EYS: variants seen among roughly 807,000 people sequenced by gnomAD.
EYS encodes protein eyes shut homolog.
A neutral mutation model predicts 282.1 loss-of-function variants in EYS; 250 were observed. The observed-to-expected ratio is 0.89, with a 90% CI of 0.80 to 0.98. The LOEUF (loss-of-function observed/expected upper bound fraction) is 0.98, where lower values mean the gene tolerates loss of function less well. Among genes scored for constraint, EYS ranks in the 50% least tolerant of loss-of-function variants. The probability of loss-of-function intolerance (pLI) is 0.00; values close to 1 mark genes in which losing one functional copy is unlikely to be tolerated. For synonymous variants in EYS, 1,355 were observed against 1,282.9 expected (o/e 1.06, Z -1.20); for missense variants, 4,016 against 3,709.0 (o/e 1.08, Z -2.15).
chr6:63,853,949 G>A (rs1381935726), intron 36 of EYS, among the ~76,000 whole-genome samples: 9 of 152,140 alleles, frequency 5.9e-5, no homozygotes, highest in Admixed American at 5.9e-4. Flanking sequence ...AACTGAAACT[G>A]AAACAACAGT....
intron 35 of EYS, among the ~76,000 whole-genome samples, chr6:63,977,368 A>G (rs993917312): frequency 7.4e-6 from 1 of 134,440 alleles, no homozygotes; most frequent in African/African-American, 2.8e-5. Context: ...TAATTTATCA[A>G]TAACTAATAT....
At chr6:64,001,710 A>C (rs1304165134) in intron 33 of EYS, among the ~76,000 whole-genome samples, 2 of 152,266 alleles carry the variant, frequency 1.3e-5, no homozygotes, top group African/African-American at 4.8e-5. Flanking sequence ...GAGTTATAGA[A>C]TAATAGTAAC....
intron 22 of EYS, among the ~76,000 whole-genome samples, chr6:64,628,005 G>A (rs1425591833): frequency 2.0e-5 from 3 of 152,196 alleles, no homozygotes; most frequent in Non-Finnish European, 2.9e-5. Flanking sequence ...GCGTGAACCA[G>A]GGAGGCGGAG....
chr6:64,077,405 C>G (rs537435186), intron 32 of EYS, among the ~76,000 whole-genome samples: 109 of 151,982 alleles, frequency 7.2e-4, no homozygotes, highest in Admixed American at 1.9e-3. Context: ...TGTTATGACT[C>G]TTTAGATTTC....
intron 35 of EYS, among the ~76,000 whole-genome samples, chr6:63,954,288 T>C (rs1166314359): frequency 6.6e-6 from 1 of 152,216 alleles, no homozygotes; most frequent in Non-Finnish European, 1.5e-5. Flanking sequence ...AGGCAGGCTA[T>C]GCTATAGTAT....
intron 29 of EYS, among the ~76,000 whole-genome samples, chr6:64,373,481 G>A (rs572478200): frequency 6.6e-4 from 100 of 152,290 alleles, no homozygotes; most frequent in African/African-American, 2.2e-3. Context: ...ACAGAGGATT[G>A]TGCCTGCATG....
chr6:65,258,102 T>C (rs1345796713), intron 12 of EYS, among the ~76,000 whole-genome samples: 1 of 152,048 alleles, frequency 6.6e-6, no homozygotes, highest in African/African-American at 2.4e-5. Flanking sequence ...AAACATTACG[T>C]GTACCCTGTA....
At chr6:64,274,414 T>C (rs6454760) in intron 30 of EYS, among the ~76,000 whole-genome samples, 107,385 of 150,144 alleles carry the variant, frequency 0.72, 38,597 homozygotes, top group African/African-American at 0.79. Context: ...CCAAGCAATC[T>C]GTCTGCTGTC....
chr6:64,157,365 G>T (rs555130132), intron 31 of EYS, among the ~76,000 whole-genome samples: 64 of 152,260 alleles, frequency 4.2e-4, no homozygotes, highest in African/African-American at 1.5e-3. Context: ...TTATTGGCCT[G>T]ACAGTGTGAT....
intron 12 of EYS, among the ~76,000 whole-genome samples, chr6:65,103,775 T>G (rs1360663252): frequency 6.6e-6 from 1 of 151,420 alleles, no homozygotes; most frequent in African/African-American, 2.4e-5. Flanking sequence ...CCTGCTCACT[T>G]AATAACCTAG....
intron 35 of EYS, among the ~76,000 whole-genome samples, chr6:63,897,050 GTATATATAAAGCAGTAAGTA>G (rs1773552928): frequency 6.6e-6 from 1 of 152,176 alleles, no homozygotes; most frequent in African/African-American, 2.4e-5. Flanking sequence ...ATATGCAGAA[GTATATATAAAGCAGTAAGTA>G]CTGATGTCGT....
chr6:65,060,231 T>A (rs567983997), intron 12 of EYS, among the ~76,000 whole-genome samples: 1,827 of 76,332 alleles, frequency 0.024, 43 homozygotes, highest in African/African-American at 0.088. Context: ...CAAGGAAGAC[T>A]TTTTTTTTTT....
chr6:63,992,251 C>T (rs182888995), intron 34 of EYS, among the ~76,000 whole-genome samples: 128 of 151,558 alleles, frequency 8.4e-4, no homozygotes, highest in Middle Eastern at 6.8e-3. Flanking sequence ...ATTTATTTTC[C>T]ATTTGTGCTA....
At chr6:64,331,988 T>G (rs1005908329) in intron 29 of EYS, among the ~76,000 whole-genome samples, 1 of 152,166 alleles carries the variant, frequency 6.6e-6, no homozygotes. Context: ...ACTCTAACAT[T>G]AGGATCAGAC....
chr6:65,271,669 GC>G (rs1402469252), intron 12 of EYS, among the ~76,000 whole-genome samples: 1 of 151,558 alleles, frequency 6.6e-6, no homozygotes, highest in Non-Finnish European at 1.5e-5. Flanking sequence ...TACATCCTAT[GC>G]CCCCTGGGTT....
chr6:65,350,114 T>G (rs1770544159), intron 9 of EYS, among the ~76,000 whole-genome samples: 1 of 151,258 alleles, frequency 6.6e-6, no homozygotes, highest in South Asian at 2.1e-4. Flanking sequence ...TGAAAAATAC[T>G]AAACCACTTT....
rs116045175 is a variant in EYS, at chr6:63,883,091, G to C, written c.7056-18733C>G. ...AGTATTCACCTTTGTTCAAAGAATT[G>C]ATTCAGCCCATAATCAGTCACAACA... On this transcript the variant is annotated intron_variant, in intron 35 of 42. Transcript: ENST00000503581. Among the ~76,000 whole-genome samples the C allele has an allele frequency of 1.8e-3, 281 of 152,244 alleles. 1 individual carries two copies. Among genetic ancestry groups the C allele is most frequent in the Admixed American group, 3.5e-3 (53 of 15,294 alleles).
At chr6:64,435,268 A>G (rs1176724048) in intron 28 of EYS, among the ~76,000 whole-genome samples, 1 of 151,978 alleles carries the variant, frequency 6.6e-6, no homozygotes, top group Non-Finnish European at 1.5e-5. Context: ...GATATGATGT[A>G]GGCTTTCCTC....
chr6:64,016,316 C>T (rs567683000), intron 33 of EYS, among the ~76,000 whole-genome samples: 2 of 152,042 alleles, frequency 1.3e-5, no homozygotes, highest in African/African-American at 4.8e-5. Flanking sequence ...CAGCAGCCAC[C>T]CTCTGAGATA....
Sources: allele counts gnomAD v4.1 joint callset (sites outside exome capture counted in the v4.1 genomes callset), GRCh38; gene constraint gnomAD v4.1.1; transcripts MANE v1.5; gene names NCBI Gene and HGNC (gene_info 2026-07-23, HGNC 2026-07-21).